SPOCK1: variants seen among roughly 807,000 people sequenced by gnomAD.
SPOCK1 encodes the protein testican-1.
A neutral mutation model predicts 55.3 loss-of-function variants in SPOCK1; 23 were observed. That is an observed-to-expected ratio of 0.42 (90% CI 0.30 to 0.59). The LOEUF is 0.59. Among genes scored for constraint, SPOCK1 ranks in the 20% least tolerant of loss-of-function variants. The probability of loss-of-function intolerance (pLI) is 0.22; values close to 1 mark genes in which losing one functional copy is unlikely to be tolerated. For synonymous variants in SPOCK1, 226 were observed against 221.0 expected, an observed-to-expected ratio of 1.02 and a Z score of -0.20; for missense variants, 499 against 552.5, an observed-to-expected ratio of 0.90 and a Z score of 0.97.
At chr5:137,306,280 G>A (rs1308099113) in intron 2 of SPOCK1, among the ~76,000 whole-genome samples, 2 of 152,220 alleles carry the variant, frequency 1.3e-5, no homozygotes, top group East Asian at 1.9e-4. Flanking sequence ...CCACCATGGG[G>A]GTTTGGTGCT....
chr5:137,447,138 T>A (rs1753146065), intron 2 of SPOCK1, among the ~76,000 whole-genome samples: 1 of 152,236 alleles, frequency 6.6e-6, no homozygotes, highest in Non-Finnish European at 1.5e-5. Context: ...TGGAGATAAT[T>A]CTTATAAGTA....
intron 4 of SPOCK1, among the ~76,000 whole-genome samples, chr5:137,119,178 G>A (rs902860065): frequency 1.3e-5 from 2 of 152,128 alleles, no homozygotes; most frequent in African/African-American, 4.8e-5. Context: ...CCAATAATAA[G>A]AGTCTTTGTT....
chr5:137,108,941 C>T (rs551127917), intron 5 of SPOCK1, among the ~76,000 whole-genome samples: 1 of 152,206 alleles, frequency 6.6e-6, no homozygotes, highest in Non-Finnish European at 1.5e-5. Context: ...GAGGCTTTGA[C>T]CAGCAAACAT....
intron 2 of SPOCK1, among the ~76,000 whole-genome samples, chr5:137,356,810 T>G (rs1750814859): frequency 9.6e-5 from 1 of 10,382 alleles, no homozygotes; most frequent in Non-Finnish European, 1.9e-4. Flanking sequence ...TATATATATA[T>G]ATATATATAT....
chr5:137,362,265 G>A (rs1209037724), intron 2 of SPOCK1, among the ~76,000 whole-genome samples: 1 of 151,762 alleles, frequency 6.6e-6, no homozygotes, highest in Non-Finnish European at 1.5e-5. Context: ...TATAGATAAT[G>A]ACAATAATTG....
At chr5:137,115,150 G>A (rs1009017253) in intron 4 of SPOCK1, among the ~76,000 whole-genome samples, 1 of 152,126 alleles carries the variant, frequency 6.6e-6, no homozygotes, top group Admixed American at 6.5e-5. Flanking sequence ...GTGCATCCTG[G>A]ACGCTAAAGA....
chr5:137,073,868 A>G (rs1307083486), intron 5 of SPOCK1, among the ~76,000 whole-genome samples: 2 of 152,208 alleles, frequency 1.3e-5, no homozygotes, highest in East Asian at 1.9e-4. Context: ...TTATAGTGTT[A>G]TTATTACACA....
At chr5:137,173,463 T>C (rs1057238850) in intron 3 of SPOCK1, among the ~76,000 whole-genome samples, 9 of 152,250 alleles carry the variant, frequency 5.9e-5, no homozygotes, top group African/African-American at 1.2e-4. Context: ...TTTGTTGAAA[T>C]AGAGATTGAA....
At chr5:137,432,853 C>T (rs1457247370) in intron 2 of SPOCK1, among the ~76,000 whole-genome samples, 2 of 152,138 alleles carry the variant, frequency 1.3e-5, no homozygotes, top group African/African-American at 2.4e-5. Flanking sequence ...TTTTCAGTAA[C>T]TCGGTAAGTT....
At chr5:137,203,531 A>C (rs985612116) in intron 3 of SPOCK1, among the ~76,000 whole-genome samples, 1 of 151,958 alleles carries the variant, frequency 6.6e-6, no homozygotes, top group Admixed American at 6.5e-5. Flanking sequence ...CTAATTACCA[A>C]TGTTCACTAT....
At chr5:137,193,627 AC>A (rs2127071690) in intron 3 of SPOCK1, among the ~76,000 whole-genome samples, 1 of 152,316 alleles carries the variant, frequency 6.6e-6, no homozygotes. Context: ...TGATGAAATA[AC>A]CTAATTAAAG....
chr5:137,496,839 G>A (rs1754309652), intron 2 of SPOCK1, among the ~76,000 whole-genome samples: 1 of 152,154 alleles, frequency 6.6e-6, no homozygotes, highest in African/African-American at 2.4e-5. Context: ...TACTGCAAAA[G>A]ACCCTAGTAG....
intron 3 of SPOCK1, among the ~76,000 whole-genome samples, chr5:137,205,553 T>A (rs1403432155): frequency 6.6e-6 from 1 of 152,196 alleles, no homozygotes; most frequent in Admixed American, 6.5e-5. Context: ...AAGGAGACAG[T>A]GGAACTATGC....
In SPOCK1 at chr5:136,977,641, A is replaced by AG. The variant is rs11423643; in HGVS notation, c.*1012dup. On this transcript the variant is annotated 3_prime_UTR_variant, in exon 11 of 11. Coordinates refer to ENST00000394945, the MANE Select transcript of SPOCK1 (RefSeq NM_004598.4). ...ATGGCAGACAGGATTGCTGCAGCCA[A>AG]GGGGCTTCAAGCAGAAATGAAAGAG... 320,652 of 395,074 alleles carry AG rather than the reference A, an allele frequency of 0.81. 135,037 individuals are homozygous for AG. Among genetic ancestry groups the AG allele is most frequent in the Middle Eastern group, 0.91 (1,432 of 1,574 alleles). The allele number at this position is 395,074 out of a possible 1,614,324, so 24.5% of individuals were successfully genotyped here.
chr5:137,257,223 C>T (rs538639145), intron 3 of SPOCK1, among the ~76,000 whole-genome samples: 1 of 152,256 alleles, frequency 6.6e-6, no homozygotes, highest in South Asian at 2.1e-4. Flanking sequence ...CTGACATTTC[C>T]TTCATATCTC....
chr5:137,423,897 A>G (rs1208204932), intron 2 of SPOCK1, among the ~76,000 whole-genome samples: 1 of 152,134 alleles, frequency 6.6e-6, no homozygotes, highest in African/African-American at 2.4e-5. Flanking sequence ...TGTAGACTGG[A>G]GCTGTTCCTA....
intron 3 of SPOCK1, among the ~76,000 whole-genome samples, chr5:137,200,453 G>A (rs1755403644): frequency 6.6e-6 from 1 of 152,088 alleles, no homozygotes; most frequent in African/African-American, 2.4e-5. Flanking sequence ...ACCAGACTCT[G>A]TGTTTTACTG....
intron 2 of SPOCK1, among the ~76,000 whole-genome samples, chr5:137,348,119 G>C (rs1377756162): frequency 6.6e-6 from 1 of 152,166 alleles, no homozygotes; most frequent in East Asian, 1.9e-4. Flanking sequence ...TGTTCACCGA[G>C]TATCCCTAGC....
chr5:137,403,572 G>C (rs1485339667), intron 2 of SPOCK1, among the ~76,000 whole-genome samples: 3 of 152,080 alleles, frequency 2.0e-5, no homozygotes, highest in Non-Finnish European at 4.4e-5. Context: ...CAGGCTGAAG[G>C]GCTGAAAAAT....
Sources: gnomAD v4.1 joint callset for allele counts (sites outside exome capture counted in the v4.1 genomes callset) on GRCh38, gnomAD v4.1.1 for gene constraint, MANE v1.5 for transcripts, NCBI Gene and HGNC (gene_info 2026-07-23, HGNC 2026-07-21) for gene names.